The following COL27A1 variants were observed in gnomAD, a reference collection of about 807,000 sequenced individuals.
The protein encoded by COL27A1 is collagen alpha-1(XXVII) chain.
A neutral mutation model predicts 251.3 loss-of-function variants in COL27A1; 106 were observed. The observed-to-expected ratio is 0.42, with a 90% CI of 0.36 to 0.50. The LOEUF (loss-of-function observed/expected upper bound fraction) is 0.50. COL27A1 is among the 20% of genes least tolerant of loss of function. COL27A1 has a pLI of 0.00. For missense variants in COL27A1, 2,325 were observed against 2,522.8 expected, an observed-to-expected ratio of 0.92 and a Z score of 1.68; for synonymous variants, 1,000 against 986.3, an observed-to-expected ratio of 1.01 and a Z score of -0.26.
intron 26 of COL27A1, 68 bp from the exon 27 acceptor site, chr9:114,252,811 G>C: frequency 1.3e-6 from 2 of 1,535,542 alleles, no homozygotes; most frequent in East Asian, 2.2e-5. Context: ...GGGCTGAGCC[G>C]ACCGAGGTGG....
chr9:114,294,679 AG>A, intron 49 of COL27A1, among the ~76,000 whole-genome samples: 1 of 152,360 alleles, frequency 6.6e-6, no homozygotes, highest in East Asian at 1.9e-4. Context: ...TAGGTATAGA[AG>A]TTCCTCAACT....
Position 114,205,125 on chromosome 9 carries a change from G to A in COL27A1, c.2148G>A (p.Pro716=), listed in dbSNP as rs13290696. Residue 716 remains proline (P), a synonymous_variant, in exon 8 of 61, where the codon CCG becomes CCA. Coordinates refer to ENST00000356083, the MANE Select transcript of COL27A1 (RefSeq NM_032888.4). ...AGGGACACAAGGGCTATCCTGGACC[G>A]GCAGGGCACCCCGGAGAACAGGTGA... is the stretch of plus-strand genomic sequence containing the variant. The part of the protein sequence containing the change: ...GRKGHKGYPG[P]AGHPGEQGQP... The A allele has an allele frequency of 3.9e-5, 63 of 1,613,390 alleles. No homozygotes were observed. In the South Asian group the frequency reaches 4.8e-4, roughly 12 times the overall value.
In COL27A1 at chr9:114,264,356, G is replaced by T; in HGVS notation, c.3197G>T (p.Gly1066Val). The change falls in exon 29 of 61, where the codon GGC (glycine) becomes GTC (valine). Residue 1066 changes from glycine (G) to valine (V), a missense_variant and splice_region_variant. Around this residue, in one of 4 missense-constraint regions of COL27A1, gnomAD observed 662 missense variants for 795.3 expected, o/e 0.83. Transcript: ENST00000356083. ...GCTAGTCCCTTTTTCCTATTCCAGG[G>T]CCCCCGAGGACCGGACGGACCAGCT... Reference protein sequence around the residue: ...PGMRGAKGRRGPRGPDGPAGE... With the variant: ...PGMRGAKGRRVPRGPDGPAGE... 1 of 1,593,956 alleles carries T rather than the reference G, an allele frequency of 6.3e-7. No homozygotes were observed. The highest frequency in any genetic ancestry group is 8.6e-7 in the Non-Finnish European group (1 of 1,169,398).
chr9:114,237,771 T>C (rs148014436), intron 19 of COL27A1, 56 bp downstream of exon 19: 278 of 1,465,768 alleles, frequency 1.9e-4, no homozygotes, highest in Non-Finnish European at 2.6e-4. Context: ...GGTCTTGTCC[T>C]TGGGAAACTG....
At chr9:114,237,594 G>A (rs1313383967) in intron 18 of COL27A1, 68 bp from the exon 19 acceptor site, 8 of 1,299,230 alleles carry the variant, frequency 6.2e-6, no homozygotes, top group African/African-American at 1.5e-5. Context: ...ACCAGCGGGG[G>A]AACGCAGGGG....
intron 6 of COL27A1, among the ~76,000 whole-genome samples, chr9:114,195,157 A>G (rs1365504715): frequency 6.6e-6 from 1 of 152,290 alleles, no homozygotes; most frequent in East Asian, 1.9e-4. Context: ...TTCTGGACAC[A>G]GCCCCAGAGC....
Position 114,282,551 on chromosome 9 carries a change from G to A in COL27A1, c.3866G>A (p.Ser1289Asn). The A allele has an allele frequency of 6.6e-7, 1 of 1,524,874 alleles. No homozygotes were observed. The highest frequency in any genetic ancestry group is 8.8e-7 in the Non-Finnish European group (1 of 1,139,590). The allele number at this position is 1,524,874 out of a possible 1,614,324, so 94.5% of individuals were successfully genotyped here. Residue 1289 changes from serine (S) to asparagine (N), a missense_variant, in exon 39 of 61, where the codon AGC (serine) becomes AAC (asparagine). This residue lies in a region of COL27A1 where 662 missense variants were observed against 795.3 expected (regional missense o/e 0.83). Transcript: ENST00000356083. The part of the protein sequence containing the change: ...GTPGPKGSRG[S>N]LGPTGAPGRM... ...CCAGGCCCTAAAGGGTCCCGGGGCAGCCTGGGACCAACGGTGAGGACTCTC... is the reference window on the plus strand; with the variant it reads ...CCAGGCCCTAAAGGGTCCCGGGGCAACCTGGGACCAACGGTGAGGACTCTC...
In COL27A1 at chr9:114,219,872, G is replaced by A. The variant is rs1240030132; in HGVS notation, c.2421+28G>A. ...GAGTATTTCAAGTCTTTGGGAACAG[G>A]AGCGAGATTCTGAGTGAACACACAG... On this transcript the variant is annotated intron_variant, in intron 13 of 60. Transcript: ENST00000356083. The A allele has an allele frequency of 4.5e-6, 7 of 1,561,176 alleles. No homozygotes were observed. In the Admixed American group the frequency reaches 8.4e-5, roughly 19 times the overall value.
intron 11 of COL27A1, among the ~76,000 whole-genome samples, chr9:114,210,435 TC>T (rs1830267559): frequency 6.6e-6 from 1 of 152,134 alleles, no homozygotes; most frequent in South Asian, 2.1e-4. Context: ...TGGCAGGAGT[TC>T]CAGCAGCCAG....
chr9:114,218,211 G>A, intron 12 of COL27A1: 1 of 186,482 alleles, frequency 5.4e-6, no homozygotes, highest in Non-Finnish European at 1.1e-5. Flanking sequence ...GCTGGTTTAG[G>A]TGAGACTGGA....
At chr9:114,173,215 G>A (rs1250839573) in intron 3 of COL27A1, among the ~76,000 whole-genome samples, 1 of 152,260 alleles carries the variant, frequency 6.6e-6, no homozygotes, top group African/African-American at 2.4e-5. Flanking sequence ...ACGCCTGAGA[G>A]GAGGCGAGTC....
At chr9:114,246,190 G>T in intron 24 of COL27A1, 1 of 383,162 alleles carries the variant, frequency 2.6e-6, no homozygotes, top group Non-Finnish European at 4.6e-6. Context: ...GAGGTTATGT[G>T]ACTGCTCCCC....
chr9:114,285,715 A>C (rs2131604660), intron 41 of COL27A1, among the ~76,000 whole-genome samples: 1 of 152,304 alleles, frequency 6.6e-6, no homozygotes, highest in South Asian at 2.1e-4. Flanking sequence ...GAAGCCACAG[A>C]AGGTGCCACT....
intron 44 of COL27A1, 72 bp downstream of exon 44, chr9:114,289,039 A>C: frequency 6.4e-7 from 1 of 1,569,938 alleles, no homozygotes; most frequent in South Asian, 1.1e-5. Context: ...TTAAAGAACT[A>C]GGCCCTTTAA....
chr9:114,183,394 C>T (rs546751818), intron 5 of COL27A1, among the ~76,000 whole-genome samples: 1 of 152,114 alleles, frequency 6.6e-6, no homozygotes, highest in Non-Finnish European at 1.5e-5. Flanking sequence ...TAAGGCTTAC[C>T]GGGTTGTAAG....
intron 12 of COL27A1, chr9:114,218,543 A>T (rs1022407972): frequency 1.3e-5 from 2 of 152,238 alleles, no homozygotes; most frequent in African/African-American, 4.8e-5. Flanking sequence ...TCAAAGATAG[A>T]TATCAAATGC....
At chr9:114,264,191 C>T (rs1001900952) in intron 28 of COL27A1, among the ~76,000 whole-genome samples, 164 bp from the exon 29 acceptor site, 13 of 152,184 alleles carry the variant, frequency 8.5e-5, no homozygotes, top group South Asian at 2.1e-4. Flanking sequence ...AGGCGCTGCA[C>T]GAGGGTGACC....
intron 3 of COL27A1, among the ~76,000 whole-genome samples, chr9:114,173,097 T>A (rs1350065558): frequency 6.6e-6 from 1 of 152,194 alleles, no homozygotes; most frequent in African/African-American, 2.4e-5. Context: ...GGAAGCTCTG[T>A]GGGAGCCCCA....
At chr9:114,304,501 T>C in intron 56 of COL27A1, 107 bp from the exon 57 acceptor site, 1 of 977,100 alleles carries the variant, frequency 1.0e-6, no homozygotes, top group South Asian at 1.3e-5. Context: ...AGAGGGCATA[T>C]GACTTGGCCA....
Sources: allele counts gnomAD v4.1 joint callset (sites outside exome capture counted in the v4.1 genomes callset), GRCh38; gene constraint gnomAD v4.1.1; regional missense constraint gnomAD v4.1.1; transcripts MANE v1.5; gene names NCBI Gene and HGNC (gene_info 2026-07-23, HGNC 2026-07-21).